GK5: variants seen among roughly 807,000 people sequenced by gnomAD.
GK5 encodes glycerol kinase 5, also known as ATP:glycerol 3-phosphotransferase 5.
Under a neutral mutation model 77.3 loss-of-function variants are expected in GK5, and 39 were observed. The ratio of observed to expected loss-of-function variants is 0.50; its 90% confidence interval spans 0.39 to 0.66. The LOEUF (loss-of-function observed/expected upper bound fraction) is 0.66, where lower values mean the gene tolerates loss of function less well. Ranked by LOEUF, GK5 falls within the 30% of genes least tolerant of loss-of-function variation. The pLI is 0.00. For synonymous variants in GK5, 211 were observed against 208.0 expected (o/e 1.01, Z -0.13); for missense variants, 487 against 633.8 (o/e 0.77, Z 2.49).
At chr3:142,197,964 A>G (rs1175591750) in intron 5 of GK5, among the ~76,000 whole-genome samples, 2 of 151,608 alleles carry the variant, frequency 1.3e-5, no homozygotes, top group African/African-American at 2.4e-5. Flanking sequence ...CAGAGTTTAC[A>G]GTGAGCTGAG....
intron 4 of GK5, among the ~76,000 whole-genome samples, chr3:142,199,563 C>A (rs2063987274): frequency 1.3e-5 from 2 of 151,916 alleles, no homozygotes; most frequent in Admixed American, 1.3e-4. Context: ...TTTTTTCTTT[C>A]CTATTAGAAA....
intron 3 of GK5, among the ~76,000 whole-genome samples, chr3:142,205,545 T>C (rs761351241): frequency 1.3e-5 from 2 of 152,216 alleles, no homozygotes; most frequent in Non-Finnish European, 2.9e-5. Flanking sequence ...AGTCAGCACA[T>C]AGGAAGAAAA....
intron 5 of GK5, among the ~76,000 whole-genome samples, chr3:142,194,378 T>C (rs1015601662): frequency 1.3e-5 from 2 of 152,014 alleles, no homozygotes; most frequent in Non-Finnish European, 2.9e-5. Context: ...ATACAAAAGT[T>C]AGCTGGGCGT....
chr3:142,165,924 C>A (rs913871082), intron 15 of GK5, among the ~76,000 whole-genome samples, 154 bp from the exon 16 acceptor site: 1 of 152,158 alleles, frequency 6.6e-6, no homozygotes, highest in Non-Finnish European at 1.5e-5. Flanking sequence ...TTTGTTAGAT[C>A]GATCATTCCT....
chr3:142,196,928 C>T (rs2063942098), intron 5 of GK5, among the ~76,000 whole-genome samples: 1 of 152,176 alleles, frequency 6.6e-6, no homozygotes, highest in African/African-American at 2.4e-5. Flanking sequence ...TGGCTCTCGC[C>T]TGTAATCCCA....
At position 142,186,246 on chromosome 3, in the gene GK5, T is replaced by C; in HGVS notation, c.703A>G (p.Thr235Ala). ...PYKMCWSGMI[T>A]SLISIPLSLL... The stretch of plus-strand genomic sequence containing the variant: ...GAAAGTGGTATCGAAATTAGAGAGG[T>C]AATCATCCCACTCCAACACATCTGA... The change falls in exon 8 of 16, where the codon ACC becomes GCC. Residue 235 changes from threonine (T) to alanine (A), a missense_variant. Around this residue, in one of 4 missense-constraint regions of GK5, gnomAD observed 323 missense variants for 437.4 expected, o/e 0.74. Coordinates refer to ENST00000392993, the MANE Select transcript of GK5 (RefSeq NM_001039547.3). 4 of 1,605,978 alleles carry C rather than the reference T, an allele frequency of 2.5e-6. No individual in the cohort carries two copies. The highest frequency in any genetic ancestry group is 3.4e-6 in the Non-Finnish European group (4 of 1,172,788).
chr3:142,185,299 G>A (rs2063753805), intron 9 of GK5: 1 of 317,350 alleles, frequency 3.2e-6, no homozygotes, highest in African/African-American at 2.3e-5. Context: ...TGTGGTCTTG[G>A]CTACTTGGGA....
chr3:142,208,077 C>A (rs1344789833), intron 3 of GK5, among the ~76,000 whole-genome samples: 3 of 152,134 alleles, frequency 2.0e-5, no homozygotes, highest in Non-Finnish European at 2.9e-5. Context: ...AGGTGGTTTT[C>A]TGAAGCCTAA....
chr3:142,169,578 C>CCTAAAT lies in GK5; in HGVS notation c.1441+741_1441+746dup, dbSNP rs376677649. Among the ~76,000 whole-genome samples, 901 of 152,160 alleles carry CCTAAAT rather than the reference C, an allele frequency of 5.9e-3. 8 individuals carry two copies. Among genetic ancestry groups the CCTAAAT allele is most frequent in the Non-Finnish European group, 6.8e-3 (462 of 67,998 alleles). On this transcript the variant is annotated intron_variant, in intron 15 of 15. Coordinates refer to ENST00000392993, the MANE Select transcript of GK5 (RefSeq NM_001039547.3). ...TTTCCTTATTGTATTCAAAGTTGAGCCTAAATTCTCTCTCCCACCATAAGA... is the reference window on the plus strand; with the variant it reads ...TTTCCTTATTGTATTCAAAGTTGAGCCTAAATCTAAATTCTCTCTCCCACCATAAGA...
intron 14 of GK5, among the ~76,000 whole-genome samples, chr3:142,171,186 A>G (rs1018640627): frequency 6.6e-6 from 1 of 152,118 alleles, no homozygotes; most frequent in Non-Finnish European, 1.5e-5. Context: ...AGCCGAGATC[A>G]TGCCACTGCA....
chr3:142,205,733 T>TA (rs563344369), intron 3 of GK5, among the ~76,000 whole-genome samples: 25 of 151,552 alleles, frequency 1.6e-4, no homozygotes, highest in Non-Finnish European at 3.1e-4. Flanking sequence ...TACTTAACTG[T>TA]AAAAAAAAAT....
intron 12 of GK5, among the ~76,000 whole-genome samples, chr3:142,174,982 G>A (rs2063588713): frequency 2.6e-5 from 4 of 152,168 alleles, no homozygotes; most frequent in Admixed American, 2.6e-4. Context: ...CAGAAGCTAT[G>A]GAGGAAGAAA....
rs2063430810 is a variant in GK5 at position 142,162,199 on chromosome 3, A to C, written c.*3423T>G. On this transcript the variant is annotated 3_prime_UTR_variant, in exon 16 of 16. Transcript: ENST00000392993. ...TGCTAACAACCATTTCCTAAGGTAA[A>C]ATGAGGCAGAAAGAAAAGGAGTATG... The C allele has an allele frequency of 6.6e-6, 1 of 152,184 alleles. No individual in the cohort carries two copies. Among genetic ancestry groups the C allele is most frequent in the South Asian group, 2.1e-4 (1 of 4,834 alleles). The allele number at this position is 152,184 out of a possible 1,614,324, so 9.4% of individuals were successfully genotyped here.
intron 12 of GK5, chr3:142,173,215 A>G (rs1269631480): frequency 1.4e-5 from 6 of 436,990 alleles, no homozygotes; most frequent in South Asian, 9.6e-5. Flanking sequence ...AAAAAAAAAA[A>G]CACCACTACA....
chr3:142,224,792 T>C (rs2064404067), intron 1 of GK5, among the ~76,000 whole-genome samples: 1 of 152,122 alleles, frequency 6.6e-6, no homozygotes, highest in African/African-American at 2.4e-5. Context: ...TAAACTTAAA[T>C]TCTACAAAGA....
At chr3:142,224,841 TAAAGAAA>T (rs1157465716) in intron 1 of GK5, among the ~76,000 whole-genome samples, 1 of 151,864 alleles carries the variant, frequency 6.6e-6, no homozygotes, top group African/African-American at 2.4e-5. Context: ...AAGGCTATAA[TAAAGAAA>T]AAAGAAAAAA....
chr3:142,171,946 T>A (rs2108781217), intron 13 of GK5, among the ~76,000 whole-genome samples: 1 of 152,272 alleles, frequency 6.6e-6, no homozygotes, highest in Admixed American at 6.5e-5. Context: ...ACCTGTCTCA[T>A]AACAAAAAGA....
chr3:142,187,800 A>G (rs761395611), intron 5 of GK5, 21 bp from the exon 6 acceptor site: 2 of 1,589,462 alleles, frequency 1.3e-6, no homozygotes, highest in Admixed American at 3.5e-5. Context: ...CAACAGCACA[A>G]AATCGATTCA....
intron 15 of GK5, among the ~76,000 whole-genome samples, chr3:142,169,663 A>C (rs1280512756): frequency 7.0e-6 from 1 of 143,434 alleles, no homozygotes; most frequent in Non-Finnish European, 1.5e-5. Flanking sequence ...AGCCCACCTT[A>C]CTGTTCTTTT....
Sources: allele counts gnomAD v4.1 joint callset (sites outside exome capture counted in the v4.1 genomes callset), GRCh38; gene constraint gnomAD v4.1.1; regional missense constraint gnomAD v4.1.1; transcripts MANE v1.5; gene names NCBI Gene and HGNC (gene_info 2026-07-23, HGNC 2026-07-21).